Variants in TRPC7 observed in about 807,000 individuals in gnomAD.
The protein encoded by TRPC7 is short transient receptor potential channel 7.
A neutral mutation model predicts 90.1 loss-of-function variants in TRPC7; 42 were observed. The ratio of observed to expected loss-of-function variants is 0.47; its 90% CI spans 0.36 to 0.60. TRPC7 has a LOEUF of 0.60. Ranked by LOEUF, TRPC7 falls within the 20% of genes least tolerant of loss-of-function variation. The probability of loss-of-function intolerance (pLI) is 0.00; values close to 1 mark genes in which losing one functional copy is unlikely to be tolerated. For missense variants in TRPC7, 955 were observed against 1,112.3 expected (o/e 0.86, Z 2.01); for synonymous variants, 451 against 436.3 (o/e 1.03, Z -0.42).
At chr5:136,244,487 A>C (rs767333324) in intron 7 of TRPC7, among the ~76,000 whole-genome samples, 3 of 152,234 alleles carry the variant, frequency 2.0e-5, no homozygotes, top group Non-Finnish European at 2.9e-5. Context: ...TCAAATGCCC[A>C]GTCTACTGTT....
intron 2 of TRPC7, among the ~76,000 whole-genome samples, chr5:136,347,583 T>C (rs1760049970): frequency 6.6e-6 from 1 of 152,210 alleles, no homozygotes; most frequent in African/African-American, 2.4e-5. Flanking sequence ...TCCACTGGAA[T>C]CCTTTCCATT....
intron 4 of TRPC7, 52 bp downstream of exon 4, chr5:136,274,621 A>G (rs751126043): frequency 1.3e-6 from 2 of 1,511,632 alleles, no homozygotes; most frequent in African/African-American, 2.8e-5. Context: ...AGATCATGCT[A>G]AGAAGAGAGA....
At chr5:136,351,959 C>G (rs1580987024) in intron 2 of TRPC7, among the ~76,000 whole-genome samples, 1 of 152,082 alleles carries the variant, frequency 6.6e-6, no homozygotes. Flanking sequence ...AGTTCTTGCC[C>G]CCTATTCTTC....
chr5:136,326,934 G>A (rs987153408), intron 2 of TRPC7, among the ~76,000 whole-genome samples: 1 of 152,162 alleles, frequency 6.6e-6, no homozygotes, highest in African/African-American at 2.4e-5. Flanking sequence ...AAGACCTGGG[G>A]GGAGGTGAAA....
Position 136,247,683 on chromosome 5 carries a change from G to A in TRPC7, c.1632C>T (p.Tyr544=), listed in dbSNP as rs758348525. ...AGAAGCTCAGCACGACGGCTATCGC[G>A]TAGAGCCCTTCCGATATGATCTGAG... The part of the protein sequence containing the change: ...SDPQIISEGL[Y]AIAVVLSFSR... The change falls in exon 7 of 12, where the codon TAC becomes TAT. Residue 544 remains tyrosine (Y), a synonymous_variant. Transcript: ENST00000513104. This position sits in a 1 kb window ranked among gnomAD's most constrained non-coding sequence, Gnocchi z 4.2. 76 of 1,613,850 alleles carry A rather than the reference G, an allele frequency of 4.7e-5. No homozygotes were observed. Among genetic ancestry groups the A allele is most frequent in the Admixed American group, 6.7e-5 (4 of 59,996 alleles).
intron 11 of TRPC7, among the ~76,000 whole-genome samples, chr5:136,215,404 CTG>C (rs1755231775): frequency 6.6e-6 from 1 of 152,186 alleles, no homozygotes; most frequent in South Asian, 2.1e-4. Flanking sequence ...GGAAACATGA[CTG>C]TTTCTCCTCA....
chr5:136,311,669 G>A (rs1758837626), intron 3 of TRPC7, among the ~76,000 whole-genome samples: 1 of 152,244 alleles, frequency 6.6e-6, no homozygotes. Flanking sequence ...TTTATGTAGA[G>A]AGGCTGCAAG....
In TRPC7 at chr5:136,218,113, ATATAT is replaced by A. The variant is rs1225135865; in HGVS notation, c.2344-1843_2344-1839del. 4.3e-3 allele frequency among the ~76,000 whole-genome samples: 619 copies of A among 145,410 alleles called. 5 individuals carry two copies. Among genetic ancestry groups the A allele is most frequent in the Non-Finnish European group, 7.2e-3 (477 of 66,078 alleles). Reference sequence around the variant, plus strand: ...ATGAGATATATAATATATATTTGAGATATATTATATATAAAATATATAATATATAT... The same window carrying A: ...ATGAGATATATAATATATATTTGAGATATATATAAAATATATAATATATAT... On this transcript the variant is annotated intron_variant, in intron 10 of 11. Coordinates refer to ENST00000513104, the MANE Select transcript of TRPC7 (RefSeq NM_020389.3).
At chr5:136,293,171 A>T (rs1221249985) in intron 3 of TRPC7, among the ~76,000 whole-genome samples, 2 of 152,242 alleles carry the variant, frequency 1.3e-5, no homozygotes. Flanking sequence ...TGACAAACCC[A>T]CAGCCAATAT....
intron 3 of TRPC7, among the ~76,000 whole-genome samples, chr5:136,307,139 G>A (rs1428889307): frequency 1.3e-5 from 2 of 152,078 alleles, no homozygotes; most frequent in African/African-American, 4.8e-5. Context: ...TCATTTCTAT[G>A]GTGAGACATG....
At chr5:136,355,631 T>C (rs924166595) in intron 2 of TRPC7, among the ~76,000 whole-genome samples, 3 of 152,082 alleles carry the variant, frequency 2.0e-5, no homozygotes, top group African/African-American at 4.8e-5. Flanking sequence ...ACCCCGTCTC[T>C]ACTAAAAATA....
At chr5:136,341,078 G>C (rs1048264616) in intron 2 of TRPC7, among the ~76,000 whole-genome samples, 1 of 152,132 alleles carries the variant, frequency 6.6e-6, no homozygotes. Context: ...CTCTTATATA[G>C]TTTTCAGTGC....
chr5:136,300,161 T>G (rs1758327048), intron 3 of TRPC7, among the ~76,000 whole-genome samples: 1 of 152,248 alleles, frequency 6.6e-6, no homozygotes, highest in Non-Finnish European at 1.5e-5. Context: ...ATGACAACTC[T>G]TACTTTGAGG....
chr5:136,305,443 C>T (rs1251893634), intron 3 of TRPC7, among the ~76,000 whole-genome samples: 1 of 152,170 alleles, frequency 6.6e-6, no homozygotes, highest in Non-Finnish European at 1.5e-5. Context: ...GTTCCATCTG[C>T]TATTCTACTA....
chr5:136,226,349 GA>G lies in TRPC7; in HGVS notation c.2041-95del, dbSNP rs1417053238. On this transcript the variant is annotated intron_variant, in intron 8 of 11. Transcript: ENST00000513104. ...AGCAGAGACACAGCCCCAACATTCG[GA>G]AAGCAGACTTCTAAGCAGGACTTGG... 14 of 873,170 alleles carry G rather than the reference GA, an allele frequency of 1.6e-5. No homozygotes were observed. The East Asian group carries it at 3.4e-4, about 21-fold the overall frequency. 54.1% of individuals were successfully genotyped at this position (873,170 alleles called of 1,614,324 possible).
At chr5:136,235,204 T>C (rs927084197) in intron 7 of TRPC7, among the ~76,000 whole-genome samples, 10 of 152,200 alleles carry the variant, frequency 6.6e-5, no homozygotes, top group Admixed American at 2.6e-4. Context: ...CAATGGATGA[T>C]ATCCTTACAC....
intron 4 of TRPC7, among the ~76,000 whole-genome samples, chr5:136,271,240 T>C (rs1447246740): frequency 6.6e-6 from 1 of 152,212 alleles, no homozygotes. Context: ...GATTCTAAAG[T>C]TGTTTACAGT....
chr5:136,296,176 A>T (rs768489228), intron 3 of TRPC7, among the ~76,000 whole-genome samples: 4 of 152,154 alleles, frequency 2.6e-5, no homozygotes, highest in Non-Finnish European at 5.9e-5. Context: ...ACAGAAAAAT[A>T]CTCATCTGCT....
chr5:136,345,885 A>G (rs564617808), intron 2 of TRPC7, among the ~76,000 whole-genome samples: 1 of 152,340 alleles, frequency 6.6e-6, no homozygotes, highest in Non-Finnish European at 1.5e-5. Flanking sequence ...TATAAGCTGT[A>G]AGGAAGGGAT....
Sources: gnomAD v4.1 joint callset for allele counts (sites outside exome capture counted in the v4.1 genomes callset) on GRCh38, gnomAD v4.1.1 for gene constraint, Gnocchi (gnomAD v3.1) non-coding constraint, MANE v1.5 for transcripts, NCBI Gene and HGNC (gene_info 2026-07-23, HGNC 2026-07-21) for gene names.